The following RFFL variants were observed in gnomAD, a reference collection of about 807,000 sequenced individuals.
The protein encoded by RFFL is ring finger and FYVE like domain containing E3 ubiquitin protein ligase, also known as E3 ubiquitin-protein ligase rififylin.
In RFFL, 16 loss-of-function variants were observed where a neutral mutation model predicts 40.4. That is an observed-to-expected ratio of 0.40 (90% confidence interval 0.27 to 0.60). The LOEUF (loss-of-function observed/expected upper bound fraction) is 0.60, where lower values mean the gene tolerates loss of function less well. Ranked by LOEUF, RFFL falls within the 20% of genes least tolerant of loss-of-function variation. The pLI, the probability that RFFL is intolerant of heterozygous loss-of-function variation, is 0.47. For synonymous variants in RFFL, 154 were observed against 167.9 expected (o/e 0.92, Z 0.64); for missense variants, 367 against 451.7 (o/e 0.81, Z 1.70).
At chr17:35,038,389 G>A (rs533725248) in intron 1 of RFFL, among the ~76,000 whole-genome samples, 37 of 151,938 alleles carry the variant, frequency 2.4e-4, no homozygotes, top group African/African-American at 6.8e-4. Context: ...GTGTGTGCGC[G>A]CGCGTGCATA....
intron 1 of RFFL, among the ~76,000 whole-genome samples, chr17:35,055,074 C>T (rs899358832): frequency 2.6e-5 from 4 of 151,986 alleles, no homozygotes; most frequent in African/African-American, 9.7e-5. Context: ...CCCACCAGCA[C>T]GCCTGGCCAA....
At chr17:35,039,283 A>G (rs1052872119) in intron 1 of RFFL, among the ~76,000 whole-genome samples, 3 of 151,974 alleles carry the variant, frequency 2.0e-5, no homozygotes, top group African/African-American at 7.2e-5. Context: ...GCAGTGGCGC[A>G]ACCTCGGCTC....
chr17:35,013,860 G>A (rs1471786270), intron 6 of RFFL, among the ~76,000 whole-genome samples: 2 of 152,172 alleles, frequency 1.3e-5, no homozygotes, highest in African/African-American at 4.8e-5. Context: ...GTTGGAGGGT[G>A]GAGGTGGGTC....
chr17:35,049,863 C>T (rs1294495723), intron 1 of RFFL, among the ~76,000 whole-genome samples: 1 of 152,130 alleles, frequency 6.6e-6, no homozygotes, highest in African/African-American at 2.4e-5. Flanking sequence ...GGACTGATCA[C>T]CTGAGGTCAG....
intron 1 of RFFL, among the ~76,000 whole-genome samples, chr17:35,081,030 A>G (rs1164382602): frequency 6.6e-6 from 1 of 152,238 alleles, no homozygotes; most frequent in Non-Finnish European, 1.5e-5. Context: ...AATTCAGCAC[A>G]TGGCGGTAGT....
At chr17:35,020,988 G>C (rs962364389) in intron 3 of RFFL, among the ~76,000 whole-genome samples, 1 of 152,144 alleles carries the variant, frequency 6.6e-6, no homozygotes, top group Non-Finnish European at 1.5e-5. Flanking sequence ...AAGGAACTAA[G>C]TTTCCAATCC....
At chr17:35,013,872 A>G (rs1948069837) in intron 6 of RFFL, among the ~76,000 whole-genome samples, 1 of 152,196 alleles carries the variant, frequency 6.6e-6, no homozygotes, top group African/African-American at 2.4e-5. Flanking sequence ...AGGTGGGTCT[A>G]GAACTCCAAA....
At chr17:35,055,402 C>T (rs890669718) in intron 1 of RFFL, among the ~76,000 whole-genome samples, 1 of 151,864 alleles carries the variant, frequency 6.6e-6, no homozygotes, top group Non-Finnish European at 1.5e-5. Flanking sequence ...AGGCCAGGTG[C>T]GATGGCTCAC....
rs1303506925 is a variant in RFFL, at chr17:35,014,913, C to T, written c.887-150G>A. On this transcript the variant is annotated intron_variant, in intron 5 of 6. Transcript: ENST00000394597. ...CCTAGATGGACATCTGCCCTCTACT[C>T]GCTCTACATGCTCAGAACTCACACA... is the stretch of plus-strand genomic sequence containing the variant. The T allele has an allele frequency of 3.5e-5, 25 of 715,054 alleles. 1 individual carries two copies. Among genetic ancestry groups the T allele is most frequent in the South Asian group, 2.5e-4 (16 of 62,772 alleles). The allele number at this position is 715,054 out of a possible 1,614,324, so 44.3% of individuals were successfully genotyped here.
intron 1 of RFFL, among the ~76,000 whole-genome samples, chr17:35,086,438 T>C (rs2091429998): frequency 6.7e-6 from 1 of 150,052 alleles, no homozygotes; most frequent in Non-Finnish European, 1.5e-5. Flanking sequence ...AATCATTCCA[T>C]GGCACTCCAG....
intron 1 of RFFL, among the ~76,000 whole-genome samples, chr17:35,082,421 T>G (rs2142387775): frequency 6.6e-6 from 1 of 152,352 alleles, no homozygotes; most frequent in African/African-American, 2.4e-5. Flanking sequence ...GATGGCAGAA[T>G]TTGGGTAATG....
At chr17:35,026,636 C>A in intron 1 of RFFL, 75 bp from the exon 2 acceptor site, 1 of 1,207,970 alleles carries the variant, frequency 8.3e-7, no homozygotes, top group Non-Finnish European at 1.2e-6. Flanking sequence ...TCCGAGAGCA[C>A]AGGTGAGCAG....
In RFFL at chr17:35,084,108, G is replaced by A. The variant is rs950883921; in HGVS notation, c.-9+4997C>T. Among the ~76,000 whole-genome samples, 6 of 151,958 alleles carry A rather than the reference G, an allele frequency of 3.9e-5. 1 individual carries two copies. Among genetic ancestry groups the A allele is most frequent in the Admixed American group, 1.3e-4 (2 of 15,282 alleles). The stretch of plus-strand genomic sequence containing the variant: ...ACAAAAATTAGCCGGGCGCAGTGGC[G>A]CGTGCCTGTAATCCCAGCTACTTGG... On this transcript the variant is annotated intron_variant, in intron 1 of 6. Transcript: ENST00000315249.
At chr17:35,037,651 G>A (rs1048069696) in intron 1 of RFFL, among the ~76,000 whole-genome samples, 1 of 152,164 alleles carries the variant, frequency 6.6e-6, no homozygotes, top group African/African-American at 2.4e-5. Flanking sequence ...AGAAAAAAAG[G>A]TTCAGAGAAG....
rs138682612 is a variant in RFFL at position 35,083,149 on chromosome 17, C to T, written c.-9+5956G>A. Among the ~76,000 whole-genome samples, 1,188 of 152,332 alleles carry T rather than the reference C, an allele frequency of 7.8e-3. 21 individuals are homozygous for T. Among genetic ancestry groups the T allele is most frequent in the African/African-American group, 0.027 (1,113 of 41,566 alleles). ...ATTTGACATACAGAGAATTCCCAGG[C>T]ATCTCTGCCATCCAACACTGATGAT... is the stretch of plus-strand genomic sequence containing the variant. On this transcript the variant is annotated intron_variant, in intron 1 of 6. Coordinates refer to the RFFL transcript ENST00000315249.
chr17:35,079,985 C>T (rs988010831), intron 1 of RFFL, among the ~76,000 whole-genome samples: 1 of 152,106 alleles, frequency 6.6e-6, no homozygotes, highest in Non-Finnish European at 1.5e-5. Flanking sequence ...ATAAATTATT[C>T]CTTCCCACCC....
chr17:35,049,948 G>C (rs540449016), intron 1 of RFFL, among the ~76,000 whole-genome samples: 3 of 152,234 alleles, frequency 2.0e-5, no homozygotes, highest in African/African-American at 7.2e-5. Flanking sequence ...CAGGCATGGT[G>C]GTGGGCACCT....
intron 1 of RFFL, among the ~76,000 whole-genome samples, chr17:35,081,123 C>G (rs770350902): frequency 6.6e-6 from 1 of 152,162 alleles, no homozygotes. Context: ...AATTACCAGA[C>G]CAAGGTCACT....
chr17:35,027,724 CAA>C (rs34594614), intron 1 of RFFL, among the ~76,000 whole-genome samples: 69 of 90,282 alleles, frequency 7.6e-4, no homozygotes, highest in Admixed American at 5.0e-3. Flanking sequence ...AACTCCGTCT[CAA>C]AAAAAAAAAA....
Sources: gnomAD v4.1 joint callset for allele counts (sites outside exome capture counted in the v4.1 genomes callset) on GRCh38, gnomAD v4.1.1 for gene constraint, MANE v1.5 for transcripts, NCBI Gene and HGNC (gene_info 2026-07-23, HGNC 2026-07-21) for gene names.